PCED1B: variants seen among roughly 807,000 people sequenced by gnomAD.
PCED1B encodes the protein PC-esterase domain-containing protein 1B.
For missense variants in PCED1B, 573 were observed against 573.9 expected (o/e 1.00, Z 0.02); for synonymous variants, 251 against 246.1 (o/e 1.02, Z -0.19).
intron 2 of PCED1B, among the ~76,000 whole-genome samples, chr12:47,175,609 T>G (rs1462558880): frequency 6.6e-6 from 1 of 152,140 alleles, no homozygotes; most frequent in Non-Finnish European, 1.5e-5. Flanking sequence ...GTTTCACTCT[T>G]GTTGCCCAGG....
At chr12:47,089,461 C>CATGTGTATATATAT (rs1233280547) in intron 1 of PCED1B, among the ~76,000 whole-genome samples, 2 of 63,398 alleles carry the variant, frequency 3.2e-5, no homozygotes, top group Non-Finnish European at 5.8e-5. Flanking sequence ...AAAAAAAATA[C>CATGTGTATATATAT]ATATATATAT....
At chr12:47,155,238 A>G (rs1941154291) in intron 2 of PCED1B, among the ~76,000 whole-genome samples, 1 of 152,186 alleles carries the variant, frequency 6.6e-6, no homozygotes, top group Admixed American at 6.5e-5. Context: ...CATATACTGA[A>G]AGGAGCTACC....
chr12:47,127,557 G>C (rs536074482), intron 2 of PCED1B, among the ~76,000 whole-genome samples: 9 of 151,050 alleles, frequency 6.0e-5, no homozygotes, highest in African/African-American at 1.9e-4. Flanking sequence ...GTAGAAACAG[G>C]GTCTCACCGT....
chr12:47,113,365 C>T (rs1376248324), intron 2 of PCED1B, among the ~76,000 whole-genome samples: 1 of 152,198 alleles, frequency 6.6e-6, no homozygotes, highest in Non-Finnish European at 1.5e-5. Context: ...AGGCAGCTTA[C>T]ATACATGATT....
In PCED1B at chr12:47,235,830, T is replaced by G. The variant is rs1326238095; in HGVS notation, c.767T>G (p.Leu256Arg). ...AHVADAWGVELPHRHPVGEWI... is the reference protein window; with the variant it reads ...AHVADAWGVERPHRHPVGEWI... ...GTGGCCGACGCCTGGGGTGTGGAGC[T>G]GCCCCACCGCCACCCCGTGGGCGAG... The change falls in exon 4 of 4, where the codon CTG (leucine) becomes CGG (arginine). Residue 256 changes from leucine to arginine, a missense_variant. Coordinates refer to ENST00000546455, the MANE Select transcript of PCED1B (RefSeq NM_138371.3). The G allele has an allele frequency of 1.3e-6, 2 of 1,574,806 alleles. No homozygotes were observed. The highest frequency in any genetic ancestry group is 2.7e-5 in the African/African-American group (2 of 73,788).
intron 2 of PCED1B, chr12:47,210,624 G>C (rs1471148457): frequency 6.6e-6 from 1 of 152,192 alleles, no homozygotes; most frequent in Admixed American, 6.6e-5. Context: ...AATTGGCTGG[G>C]CATGGTGGTG....
intron 2 of PCED1B, among the ~76,000 whole-genome samples, chr12:47,171,356 C>A (rs908356897): frequency 6.6e-6 from 1 of 152,072 alleles, no homozygotes; most frequent in Non-Finnish European, 1.5e-5. Context: ...CGTGAGCCAC[C>A]GTGCCTGGCC....
chr12:47,225,434 T>C (rs1169725426), intron 3 of PCED1B, among the ~76,000 whole-genome samples: 2 of 152,218 alleles, frequency 1.3e-5, no homozygotes, highest in Admixed American at 1.3e-4. Flanking sequence ...AGTCCACAAG[T>C]CACTAAGTTT....
At chr12:47,230,994 C>G (rs1276607679) in intron 3 of PCED1B, among the ~76,000 whole-genome samples, 3 of 152,104 alleles carry the variant, frequency 2.0e-5, no homozygotes, top group Non-Finnish European at 4.4e-5. Context: ...AAAATTAAGT[C>G]ATAGAAAGAC....
Position 47,235,582 on chromosome 12 carries a change from C to T in PCED1B, c.519C>T (p.Thr173=), listed in dbSNP as rs763999775. The T allele has an allele frequency of 1.9e-6, 3 of 1,608,758 alleles. No homozygotes were observed. Among genetic ancestry groups the T allele is most frequent in the Admixed American group, 3.3e-5 (2 of 59,744 alleles). The part of the protein sequence containing the change: ...NTAMPVGEEV[T]GGFLPPKLRR... ...CCATGCCTGTGGGCGAGGAAGTCAC[C>T]GGGGGTTTTCTTCCGCCCAAGCTCC... Residue 173 remains threonine, a synonymous_variant, in exon 4 of 4, where the codon ACC becomes ACT. Transcript: ENST00000546455.
intron 2 of PCED1B, among the ~76,000 whole-genome samples, chr12:47,131,816 G>A (rs1940142231): frequency 6.6e-6 from 1 of 151,856 alleles, no homozygotes; most frequent in Non-Finnish European, 1.5e-5. Flanking sequence ...TTACAGGCAT[G>A]CGCCACCACA....
Position 47,235,783 on chromosome 12 carries a change from C to T in PCED1B, c.720C>T (p.Leu240=), listed in dbSNP as rs1353731264. The T allele has an allele frequency of 8.8e-6, 14 of 1,587,008 alleles. No individual in the cohort carries two copies. Among genetic ancestry groups the T allele is most frequent in the Non-Finnish European group, 1.2e-5 (14 of 1,166,776 alleles). The change falls in exon 4 of 4, where the codon CTC becomes CTT. Residue 240 remains leucine, a synonymous_variant. Coordinates refer to ENST00000546455, the MANE Select transcript of PCED1B (RefSeq NM_138371.3). ...GGAATGGACGTGTGCACCGCTGCCT[C>T]TCCCAGCTGCTGCTGGCCCACGTGG... is the stretch of plus-strand genomic sequence containing the variant. The part of the protein sequence containing the change: ...VHWNGRVHRC[L]SQLLLAHVAD...
chr12:47,141,305 C>T (rs907086518), intron 2 of PCED1B, among the ~76,000 whole-genome samples: 1 of 152,130 alleles, frequency 6.6e-6, no homozygotes, highest in Admixed American at 6.5e-5. Flanking sequence ...GTTGCAAAAC[C>T]CAAGCACAGC....
At chr12:47,113,601 C>A (rs1423523784) in intron 2 of PCED1B, among the ~76,000 whole-genome samples, 6 of 152,170 alleles carry the variant, frequency 3.9e-5, no homozygotes, top group African/African-American at 1.4e-4. Context: ...CAGATTTTAC[C>A]AGATTTGTAC....
intron 1 of PCED1B, among the ~76,000 whole-genome samples, chr12:47,096,973 A>C (rs1317973336): frequency 6.6e-6 from 1 of 152,234 alleles, no homozygotes; most frequent in African/African-American, 2.4e-5. Context: ...ATTAAGTACT[A>C]AATATACCCA....
At chr12:47,155,574 A>G (rs946888962) in intron 2 of PCED1B, among the ~76,000 whole-genome samples, 4 of 152,220 alleles carry the variant, frequency 2.6e-5, no homozygotes, top group African/African-American at 7.2e-5. Flanking sequence ...CCACATATAC[A>G]TTCATTATTT....
intron 2 of PCED1B, among the ~76,000 whole-genome samples, chr12:47,124,489 A>G (rs1270636883): frequency 6.8e-6 from 1 of 146,150 alleles, no homozygotes; most frequent in Non-Finnish European, 1.5e-5. Context: ...ATTCATCTGT[A>G]AGTCTTTGTA....
chr12:47,103,068 T>C (rs1022858748), intron 1 of PCED1B, among the ~76,000 whole-genome samples: 3 of 151,968 alleles, frequency 2.0e-5, no homozygotes, highest in African/African-American at 4.8e-5. Context: ...AGTATCTAAA[T>C]AGAAAATGTA....
intron 2 of PCED1B, among the ~76,000 whole-genome samples, chr12:47,164,549 G>A (rs899288930): frequency 7.2e-5 from 11 of 152,220 alleles, no homozygotes; most frequent in African/African-American, 2.4e-4. Flanking sequence ...GGAGTCTGGT[G>A]CCTGTAGCTT....
Sources: allele counts gnomAD v4.1 joint callset (sites outside exome capture counted in the v4.1 genomes callset), GRCh38; gene constraint gnomAD v4.1.1; transcripts MANE v1.5; gene names NCBI Gene and HGNC (gene_info 2026-07-23, HGNC 2026-07-21).